The following PDE4B variants were observed in gnomAD, a reference collection of about 807,000 sequenced individuals.
The protein encoded by PDE4B is 3',5'-cyclic-AMP phosphodiesterase 4B.
In PDE4B, 20 loss-of-function variants were observed where a neutral mutation model predicts 82.2. The observed-to-expected ratio is 0.24, with a 90% confidence interval of 0.17 to 0.35. The LOEUF (loss-of-function observed/expected upper bound fraction) is 0.35. Among genes scored for constraint, PDE4B ranks in the 10% least tolerant of loss-of-function variants. The probability of loss-of-function intolerance (pLI) is 1.00; values close to 1 mark genes in which losing one functional copy is unlikely to be tolerated. For missense variants in PDE4B, 655 were observed against 907.2 expected (o/e 0.72, Z 3.57); for synonymous variants, 320 against 318.9 (o/e 1.00, Z -0.04).
intron 8 of PDE4B, among the ~76,000 whole-genome samples, chr1:66,337,214 C>A (rs1369116674): frequency 6.6e-6 from 1 of 152,164 alleles, no homozygotes; most frequent in Admixed American, 6.5e-5. Context: ...TAAGATGCAT[C>A]CATTTGCTGG....
At chr1:66,156,825 A>T (rs1162657178) in intron 3 of PDE4B, among the ~76,000 whole-genome samples, 1 of 152,144 alleles carries the variant, frequency 6.6e-6, no homozygotes, top group African/African-American at 2.4e-5. Flanking sequence ...GGCTTCAGAC[A>T]CAGTATATTT....
chr1:66,094,240 G>A (rs1025485525), intron 3 of PDE4B, among the ~76,000 whole-genome samples: 2 of 152,008 alleles, frequency 1.3e-5, no homozygotes, highest in Non-Finnish European at 2.9e-5. Context: ...CATACAGCAT[G>A]CTTGGTAGGT....
chr1:65,881,125 G>C (rs1646703362), intron 1 of PDE4B, among the ~76,000 whole-genome samples: 1 of 152,118 alleles, frequency 6.6e-6, no homozygotes. Context: ...TCTATAAAAT[G>C]TCCCTTCATT....
intron 3 of PDE4B, among the ~76,000 whole-genome samples, chr1:65,935,484 A>T (rs937671116): frequency 6.6e-6 from 1 of 152,192 alleles, no homozygotes; most frequent in Non-Finnish European, 1.5e-5. Context: ...ATGTTACTAT[A>T]CACTACTATA....
intron 3 of PDE4B, among the ~76,000 whole-genome samples, chr1:65,924,320 C>T (rs865930306): frequency 2.7e-5 from 4 of 150,622 alleles, no homozygotes; most frequent in Non-Finnish European, 4.4e-5. Flanking sequence ...GTGATCCGCC[C>T]GCCTCGGCCT....
chr1:65,828,205 G>A (rs1047122988), intron 1 of PDE4B, among the ~76,000 whole-genome samples: 5 of 152,130 alleles, frequency 3.3e-5, no homozygotes, highest in African/African-American at 1.2e-4. Context: ...AGGAACATCA[G>A]TAATGGAATA....
chr1:65,902,401 A>T (rs1340009470), intron 1 of PDE4B, among the ~76,000 whole-genome samples: 1 of 152,158 alleles, frequency 6.6e-6, no homozygotes, highest in Non-Finnish European at 1.5e-5. Context: ...AGTATCAGTG[A>T]TAAGAAGTTT....
intron 1 of PDE4B, among the ~76,000 whole-genome samples, chr1:65,908,400 A>G (rs1042875743): frequency 6.6e-6 from 1 of 152,202 alleles, no homozygotes; most frequent in Admixed American, 6.5e-5. Context: ...TTGGTAAATA[A>G]CTGACAGTAT....
chr1:65,864,432 A>G (rs1236871201), intron 1 of PDE4B, among the ~76,000 whole-genome samples: 3 of 152,126 alleles, frequency 2.0e-5, no homozygotes, highest in Admixed American at 6.5e-5. Context: ...CATTTGGAGA[A>G]GAGGCATTCT....
At chr1:66,159,686 G>A (rs72679121) in intron 3 of PDE4B, among the ~76,000 whole-genome samples, 10,331 of 152,140 alleles carry the variant, frequency 0.068, 597 homozygotes, top group Non-Finnish European at 0.099. Context: ...TCAAATCCTC[G>A]CATACTGGGG....
Position 65,798,337 on chromosome 1 carries a change from C to A in PDE4B, c.-71+5089C>A, listed in dbSNP as rs968617061. 5.4e-5 allele frequency among the ~76,000 whole-genome samples: 4 copies of A among 73,544 alleles called. 2 individuals are homozygous for A. The highest frequency in any genetic ancestry group is 4.4e-4 in the African/African-American group (4 of 9,078). 48.2% of individuals were successfully genotyped at this position (73,544 alleles called of 152,430 possible). A position where few individuals can be genotyped will look rare whatever the true frequency, so the allele number is the denominator to read the frequency against. On this transcript the variant is annotated intron_variant, in intron 1 of 16. Coordinates refer to ENST00000341517, the MANE Select transcript of PDE4B (RefSeq NM_002600.4). Reference sequence around the variant, plus strand: ...GCAGTGGCGCAATCTCGGCTCACTGCAAGCTCCGCTTCCCGGGTTCACGCC... The same window carrying A: ...GCAGTGGCGCAATCTCGGCTCACTGAAAGCTCCGCTTCCCGGGTTCACGCC...
chr1:65,886,084 T>G (rs1646772456), intron 1 of PDE4B, among the ~76,000 whole-genome samples: 1 of 151,632 alleles, frequency 6.6e-6, no homozygotes. Flanking sequence ...TCTCATCATT[T>G]TTGAATATTA....
chr1:66,212,134 G>T (rs775155024), intron 3 of PDE4B, among the ~76,000 whole-genome samples: 1 of 152,132 alleles, frequency 6.6e-6, no homozygotes, highest in African/African-American at 2.4e-5. Flanking sequence ...ATCACACAAG[G>T]TTCAGCCACT....
chr1:65,923,571 T>G (rs1018494192), intron 3 of PDE4B, among the ~76,000 whole-genome samples: 4 of 152,226 alleles, frequency 2.6e-5, no homozygotes, highest in African/African-American at 9.6e-5. Context: ...TCTTAGAACC[T>G]CTGCTGGAAT....
At chr1:66,085,657 C>A (rs970702802) in intron 3 of PDE4B, among the ~76,000 whole-genome samples, 1 of 151,996 alleles carries the variant, frequency 6.6e-6, no homozygotes, top group Non-Finnish European at 1.5e-5. Context: ...AACTTGACAG[C>A]AGATGAAAAC....
At chr1:65,998,596 A>G (rs774694149) in intron 3 of PDE4B, among the ~76,000 whole-genome samples, 1 of 152,200 alleles carries the variant, frequency 6.6e-6, no homozygotes, top group Non-Finnish European at 1.5e-5. Flanking sequence ...ATCCCGTAAC[A>G]TTGAAAACTA....
intron 3 of PDE4B, among the ~76,000 whole-genome samples, chr1:66,125,209 G>A (rs186567889): frequency 1.3e-5 from 2 of 148,154 alleles, no homozygotes; most frequent in African/African-American, 5.0e-5. Flanking sequence ...TGTCGCCAAG[G>A]CTGGAATGCA....
intron 16 of PDE4B, among the ~76,000 whole-genome samples, chr1:66,369,545 G>A (rs1663518844): frequency 6.6e-6 from 1 of 152,202 alleles, no homozygotes; most frequent in Non-Finnish European, 1.5e-5. Flanking sequence ...ATAGTCTGGA[G>A]GGGTGAATAC....
chr1:65,841,381 A>AAAGGAAGGAAGGAAGGAAGGAAGGAAGG (rs71590332), intron 1 of PDE4B, among the ~76,000 whole-genome samples: 7 of 150,226 alleles, frequency 4.7e-5, no homozygotes, highest in African/African-American at 1.5e-4. Context: ...AAAGGAAAGG[A>AAAGGAAGGAAGGAAGGAAGGAAGGAAGG]AAGGAAGGAA....
Sources: gnomAD v4.1 joint callset for allele counts (sites outside exome capture counted in the v4.1 genomes callset) on GRCh38, gnomAD v4.1.1 for gene constraint, MANE v1.5 for transcripts, NCBI Gene and HGNC (gene_info 2026-07-23, HGNC 2026-07-21) for gene names.